STK39: variants seen among roughly 807,000 people sequenced by gnomAD.
STK39 encodes the protein STE20/SPS1-related proline-alanine-rich protein kinase.
In STK39, 20 loss-of-function variants were observed where a neutral mutation model predicts 77.8. The ratio of observed to expected loss-of-function variants is 0.26; its 90% CI spans 0.18 to 0.37. The LOEUF (loss-of-function observed/expected upper bound fraction) is 0.37. Ranked by LOEUF, STK39 falls within the 10% of genes least tolerant of loss-of-function variation. STK39 has a pLI of 1.00. For synonymous variants in STK39, 246 were observed against 234.1 expected (o/e 1.05, Z -0.47); for missense variants, 479 against 656.5 (o/e 0.73, Z 2.95).
chr2:168,222,886 T>C (rs922926149), intron 1 of STK39, among the ~76,000 whole-genome samples: 1 of 152,192 alleles, frequency 6.6e-6, no homozygotes, highest in Admixed American at 6.5e-5. Flanking sequence ...GGTTGTTGTA[T>C]GGACTAAATG....
intron 16 of STK39, among the ~76,000 whole-genome samples, chr2:167,987,244 C>T (rs1456933129): frequency 1.3e-5 from 2 of 152,162 alleles, no homozygotes. Context: ...CCTTCCCCTT[C>T]CCCTTTTCTC....
chr2:168,091,366 G>GTC (rs1249225321), intron 10 of STK39, among the ~76,000 whole-genome samples: 2 of 152,132 alleles, frequency 1.3e-5, no homozygotes, highest in Non-Finnish European at 2.9e-5. Context: ...ATCTTCTCAT[G>GTC]TCTCTCTCAT....
Position 168,057,300 on chromosome 2 carries a change from C to T in STK39, c.1376+6200G>A, listed in dbSNP as rs1455396179. Among the ~76,000 whole-genome samples the T allele has an allele frequency of 2.6e-5, 4 of 152,308 alleles. No homozygotes were observed. In the South Asian group the frequency reaches 8.3e-4, roughly 32 times the overall value. The stretch of plus-strand genomic sequence containing the variant: ...CTCCACCTCCCGTGTTCTAGCAATT[C>T]TCGTGCCTCAGCCTCCTGAGTAGCT... On this transcript the variant is annotated intron_variant, in intron 14 of 17. Transcript: ENST00000355999.
chr2:168,150,836 GA>G (rs1688260608), intron 5 of STK39, among the ~76,000 whole-genome samples: 3 of 151,892 alleles, frequency 2.0e-5, no homozygotes. Context: ...TACATATTGG[GA>G]CACACCACCC....
chr2:168,110,428 C>T (rs927412288), intron 10 of STK39, among the ~76,000 whole-genome samples: 3 of 151,876 alleles, frequency 2.0e-5, no homozygotes, highest in South Asian at 2.1e-4. Flanking sequence ...TGTAGAGATG[C>T]GGTCTCGCTA....
intron 10 of STK39, among the ~76,000 whole-genome samples, chr2:168,124,540 C>T (rs535161006): frequency 7.9e-5 from 12 of 152,140 alleles, no homozygotes; most frequent in Non-Finnish European, 1.8e-4. Flanking sequence ...GCTGGGTTTA[C>T]AGGCAAGTGT....
chr2:168,087,376 T>C (rs1482262500), intron 10 of STK39, among the ~76,000 whole-genome samples: 1 of 152,214 alleles, frequency 6.6e-6, no homozygotes, highest in African/African-American at 2.4e-5. Context: ...CCACAGTTAC[T>C]CCCTCCAACA....
intron 14 of STK39, among the ~76,000 whole-genome samples, chr2:168,031,487 C>T (rs1205168187): frequency 6.6e-6 from 1 of 152,088 alleles, no homozygotes; most frequent in African/African-American, 2.4e-5. Context: ...ATGGGCTGAA[C>T]ACACAGTTCA....
chr2:168,038,890 C>T (rs148282195), intron 14 of STK39, among the ~76,000 whole-genome samples: 7 of 152,166 alleles, frequency 4.6e-5, no homozygotes, highest in East Asian at 3.9e-4. Context: ...AAAAGATTGA[C>T]GATACCAAGT....
At chr2:168,187,547 C>CA (rs1212707000) in intron 1 of STK39, among the ~76,000 whole-genome samples, 1 of 152,008 alleles carries the variant, frequency 6.6e-6, no homozygotes, top group Non-Finnish European at 1.5e-5. Context: ...TGAGTTAACA[C>CA]AAAAAAAGTC....
chr2:168,134,895 T>G (rs1483426742), intron 8 of STK39, among the ~76,000 whole-genome samples: 1 of 152,180 alleles, frequency 6.6e-6, no homozygotes. Context: ...AGGTTACAGG[T>G]AGATGATCTA....
At chr2:168,091,118 C>G (rs1212017442) in intron 10 of STK39, among the ~76,000 whole-genome samples, 1 of 150,628 alleles carries the variant, frequency 6.6e-6, no homozygotes, top group Non-Finnish European at 1.5e-5. Flanking sequence ...AGGGCAGAGA[C>G]TTCAGATGTG....
intron 14 of STK39, among the ~76,000 whole-genome samples, chr2:168,033,462 C>T (rs1200090284): frequency 6.6e-6 from 1 of 152,162 alleles, no homozygotes; most frequent in Non-Finnish European, 1.5e-5. Flanking sequence ...AGACAAGACT[C>T]AATATATAGA....
At chr2:168,139,844 ATTACAC>A (rs1314544200) in intron 7 of STK39, among the ~76,000 whole-genome samples, 1 of 152,182 alleles carries the variant, frequency 6.6e-6, no homozygotes, top group African/African-American at 2.4e-5. Flanking sequence ...AGTTGCCAAC[ATTACAC>A]TATAAGAGCA....
chr2:168,017,599 C>T (rs1052466904), intron 14 of STK39, among the ~76,000 whole-genome samples: 9 of 151,732 alleles, frequency 5.9e-5, no homozygotes, highest in African/African-American at 1.9e-4. Flanking sequence ...CCCAAACTCC[C>T]GACCTCAGGT....
intron 10 of STK39, among the ~76,000 whole-genome samples, chr2:168,104,840 C>T (rs1686927137): frequency 6.6e-6 from 1 of 152,098 alleles, no homozygotes; most frequent in African/African-American, 2.4e-5. Context: ...GACACATACA[C>T]AAGAATAATT....
chr2:168,204,696 T>A (rs1214211395), intron 1 of STK39, among the ~76,000 whole-genome samples: 1 of 152,224 alleles, frequency 6.6e-6, no homozygotes, highest in East Asian at 1.9e-4. Context: ...CTAAAGATTT[T>A]CCTTGTCCCC....
chr2:168,239,475 C>CA (rs1173183066), intron 1 of STK39, among the ~76,000 whole-genome samples: 1 of 152,210 alleles, frequency 6.6e-6, no homozygotes, highest in Non-Finnish European at 1.5e-5. Flanking sequence ...TGGACGCACT[C>CA]AAAGTGCTTA....
intron 1 of STK39, 27 bp downstream of exon 1, chr2:168,247,201 C>T: frequency 2.5e-6 from 3 of 1,185,370 alleles, no homozygotes; most frequent in Non-Finnish European, 3.1e-6. Flanking sequence ...CGGCCTGTGC[C>T]GGCCCCGCCG....
Sources: allele counts gnomAD v4.1 joint callset (sites outside exome capture counted in the v4.1 genomes callset), GRCh38; gene constraint gnomAD v4.1.1; transcripts MANE v1.5; gene names NCBI Gene and HGNC (gene_info 2026-07-23, HGNC 2026-07-21).